The following MARK1 variants were observed in gnomAD, a reference collection of about 807,000 sequenced individuals.
MARK1 encodes the protein microtubule affinity regulating kinase 1, also known as serine/threonine-protein kinase MARK1.
Under a neutral mutation model 96.3 loss-of-function variants are expected in MARK1, and 40 were observed. The ratio of observed to expected loss-of-function variants is 0.42; its 90% CI spans 0.32 to 0.54. The LOEUF is 0.54. Among genes scored for constraint, MARK1 ranks in the 20% least tolerant of loss-of-function variants. The pLI is 0.16. For missense variants in MARK1, 719 were observed against 984.6 expected (o/e 0.73, Z 3.61); for synonymous variants, 317 against 341.2 (o/e 0.93, Z 0.78).
intron 1 of MARK1, among the ~76,000 whole-genome samples, chr1:220,550,462 C>G (rs1279343735): frequency 6.6e-6 from 1 of 152,148 alleles, no homozygotes; most frequent in Non-Finnish European, 1.5e-5. Flanking sequence ...AAGTGCTCCT[C>G]CCACCTCAGT....
At chr1:220,556,326 C>T (rs1238459896) in intron 1 of MARK1, among the ~76,000 whole-genome samples, 4 of 151,904 alleles carry the variant, frequency 2.6e-5, no homozygotes, top group Non-Finnish European at 5.9e-5. Flanking sequence ...AATGATTATT[C>T]TAAATAAATG....
intron 1 of MARK1, among the ~76,000 whole-genome samples, chr1:220,559,855 A>G (rs150948828): frequency 1.3e-5 from 2 of 151,136 alleles, no homozygotes; most frequent in African/African-American, 4.9e-5. Flanking sequence ...GGAAGAATGA[A>G]GTGGAAGTTT....
intron 1 of MARK1, among the ~76,000 whole-genome samples, chr1:220,555,112 A>G (rs1662156506): frequency 6.6e-6 from 1 of 152,154 alleles, no homozygotes; most frequent in South Asian, 2.1e-4. Context: ...CACTGATTCC[A>G]TTGTGAACTG....
rs995463436 is a variant in MARK1, at chr1:220,664,352, T to G, written c.*2186T>G. The G allele has an allele frequency of 6.6e-6, 1 of 152,218 alleles. No homozygotes were observed. Among genetic ancestry groups the G allele is most frequent in the African/African-American group, 2.4e-5 (1 of 41,454 alleles). The allele number at this position is 152,218 out of a possible 1,614,324, so 9.4% of individuals were successfully genotyped here. ...GAATTTTGCAATGTGTTTGCATAAA[T>G]AAATACCAGTTTATGTTCACCGGCT... On this transcript the variant is annotated 3_prime_UTR_variant, in exon 18 of 18. Coordinates refer to ENST00000366917, the MANE Select transcript of MARK1 (RefSeq NM_018650.5).
chr1:220,624,354 C>A (rs1185099731), intron 9 of MARK1, among the ~76,000 whole-genome samples: 2 of 148,438 alleles, frequency 1.3e-5, no homozygotes, highest in African/African-American at 5.0e-5. Flanking sequence ...AATCCCAGCA[C>A]TTTGGGAGGC....
chr1:220,560,651 A>T (rs1465681280), intron 1 of MARK1, among the ~76,000 whole-genome samples: 1 of 152,204 alleles, frequency 6.6e-6, no homozygotes, highest in Non-Finnish European at 1.5e-5. Context: ...TGTATGCTGC[A>T]CAAAGGCATG....
chr1:220,639,299 A>G (rs921122380), intron 13 of MARK1, among the ~76,000 whole-genome samples: 1 of 152,096 alleles, frequency 6.6e-6, no homozygotes, highest in Non-Finnish European at 1.5e-5. Flanking sequence ...AAATAAGTGA[A>G]TGTATATGTA....
intron 5 of MARK1, among the ~76,000 whole-genome samples, chr1:220,600,464 T>C (rs773653336): frequency 3.9e-5 from 6 of 152,350 alleles, no homozygotes; most frequent in Non-Finnish European, 7.3e-5. Flanking sequence ...AAAATAGGAA[T>C]GATTTTGAAA....
In MARK1 at chr1:220,664,246, A is replaced by C. The variant is rs2103086904; in HGVS notation, c.*2080A>C. 6.6e-6 allele frequency: 1 copy of C among 152,326 alleles called. No homozygotes were observed. Among genetic ancestry groups the C allele is most frequent in the South Asian group, 2.1e-4 (1 of 4,832 alleles). The allele number at this position is 152,326 out of a possible 1,614,324, so 9.4% of individuals were successfully genotyped here. On this transcript the variant is annotated 3_prime_UTR_variant, in exon 18 of 18. Transcript: ENST00000366917. ...TTGACTTCAATATCTTTTATGAACT[A>C]AAAATGAAATCTTGATACTCACTTT...
intron 3 of MARK1, among the ~76,000 whole-genome samples, chr1:220,587,884 T>C (rs1350887037): frequency 1.3e-5 from 2 of 152,168 alleles, no homozygotes; most frequent in Admixed American, 6.6e-5. Context: ...TTTGAGAAGA[T>C]GTATAGAGGG....
At chr1:220,623,411 A>G (rs926165837) in intron 9 of MARK1, among the ~76,000 whole-genome samples, 1 of 152,216 alleles carries the variant, frequency 6.6e-6, no homozygotes, top group African/African-American at 2.4e-5. Flanking sequence ...TAACAGAGTT[A>G]TTAACAGAGT....
In MARK1 at chr1:220,581,097, A is replaced by G; in HGVS notation, c.288A>G (p.Leu96=). 1 of 1,280,706 alleles carries G rather than the reference A, an allele frequency of 7.8e-7. No homozygotes were observed. The highest frequency in any genetic ancestry group is 1.5e-5 in the African/African-American group (1 of 66,306). The allele number at this position is 1,280,706 out of a possible 1,614,324, so 79.3% of individuals were successfully genotyped here. A position where few individuals can be genotyped will look rare whatever the true frequency, so the allele number is the denominator to read the frequency against. The change falls in exon 3 of 18, where the codon CTA becomes CTG. Residue 96 remains leucine, a synonymous_variant. Transcript: ENST00000366917. ...VAVKIIDKTQ[L]NPTSLQKLFR... ...TGAAAATAATAGACAAAACTCAGCT[A>G]AATCCTACCAGTCTACAAAAGGTAT...
intron 2 of MARK1, 116 bp downstream of exon 2, chr1:220,579,673 GGT>G: frequency 2.6e-6 from 2 of 756,222 alleles, no homozygotes; most frequent in Non-Finnish European, 4.5e-6. Flanking sequence ...TTAACACTGG[GGT>G]GTGTGTGAAT....
At chr1:220,538,842 A>G (rs1240234661) in intron 1 of MARK1, among the ~76,000 whole-genome samples, 1 of 150,270 alleles carries the variant, frequency 6.7e-6, no homozygotes, top group East Asian at 2.0e-4. Context: ...TGTGAATGGG[A>G]GTTCACTCAT....
chr1:220,574,777 A>C (rs768055715), intron 1 of MARK1, among the ~76,000 whole-genome samples: 2 of 152,160 alleles, frequency 1.3e-5, no homozygotes, highest in Non-Finnish European at 2.9e-5. Flanking sequence ...TCCTTTAATA[A>C]AATGACTTTG....
At chr1:220,643,479 T>C (rs1262622617) in intron 13 of MARK1, among the ~76,000 whole-genome samples, 2 of 151,810 alleles carry the variant, frequency 1.3e-5, no homozygotes, top group African/African-American at 4.8e-5. Flanking sequence ...ACAGGGAGAA[T>C]GGAACCAAGT....
chr1:220,597,207 A>G (rs759184593), intron 3 of MARK1, among the ~76,000 whole-genome samples: 1 of 152,118 alleles, frequency 6.6e-6, no homozygotes, highest in East Asian at 1.9e-4. Context: ...TCTGCTTTCA[A>G]TTCTTTGGGT....
At chr1:220,549,351 C>G (rs920849451) in intron 1 of MARK1, among the ~76,000 whole-genome samples, 2 of 152,172 alleles carry the variant, frequency 1.3e-5, no homozygotes, top group African/African-American at 4.8e-5. Context: ...AGAACAGTAC[C>G]TGACACCTAG....
chr1:220,598,657 AT>A (rs200480811), intron 4 of MARK1, among the ~76,000 whole-genome samples: 7 of 151,570 alleles, frequency 4.6e-5, no homozygotes, highest in African/African-American at 1.7e-4. Flanking sequence ...AATGCATACA[AT>A]TTTTTTTAAT....
Sources: gnomAD v4.1 joint callset for allele counts (sites outside exome capture counted in the v4.1 genomes callset) on GRCh38, gnomAD v4.1.1 for gene constraint, MANE v1.5 for transcripts, NCBI Gene and HGNC (gene_info 2026-07-23, HGNC 2026-07-21) for gene names.